Variants in GRIK2 observed in about 807,000 individuals in gnomAD.
GRIK2 encodes glutamate receptor ionotropic, kainate 2.
Under a neutral mutation model 100.3 loss-of-function variants are expected in GRIK2, and 32 were observed. The ratio of observed to expected loss-of-function variants is 0.32; its 90% CI spans 0.24 to 0.43. The LOEUF is 0.43. Among genes scored for constraint, GRIK2 ranks in the 20% least tolerant of loss-of-function variants. GRIK2 has a pLI of 1.00. For missense variants in GRIK2, 843 were observed against 1,114.9 expected (o/e 0.76, Z 3.47); for synonymous variants, 417 against 389.4 (o/e 1.07, Z -0.83).
At chr6:101,996,791 G>A (rs776387489) in intron 14 of GRIK2, among the ~76,000 whole-genome samples, 1 of 152,082 alleles carries the variant, frequency 6.6e-6, no homozygotes, top group Non-Finnish European at 1.5e-5. Context: ...AGGCTTGGCC[G>A]TGGGTTTGTT....
At chr6:101,718,900 A>G (rs1774254689) in intron 7 of GRIK2, among the ~76,000 whole-genome samples, 1 of 151,938 alleles carries the variant, frequency 6.6e-6, no homozygotes, top group Admixed American at 6.6e-5. Context: ...AATTTATCTA[A>G]TAACACAATT....
intron 7 of GRIK2, among the ~76,000 whole-genome samples, chr6:101,774,522 A>T (rs1015570228): frequency 2.0e-5 from 3 of 152,158 alleles, no homozygotes; most frequent in African/African-American, 4.8e-5. Flanking sequence ...CATCAATACA[A>T]TGTGGTTCAT....
chr6:101,399,598 G>A (rs1775166241), intron 2 of GRIK2, among the ~76,000 whole-genome samples: 1 of 152,100 alleles, frequency 6.6e-6, no homozygotes, highest in Non-Finnish European at 1.5e-5. Flanking sequence ...GGTGAAGGGA[G>A]GGCCAATGTG....
At chr6:101,977,450 G>A (rs552605114) in intron 14 of GRIK2, among the ~76,000 whole-genome samples, 1 of 151,632 alleles carries the variant, frequency 6.6e-6, no homozygotes, top group African/African-American at 2.4e-5. Flanking sequence ...AGGAAGGAAG[G>A]GATATTTGGT....
intron 2 of GRIK2, among the ~76,000 whole-genome samples, chr6:101,469,146 C>T (rs1771812643): frequency 6.6e-6 from 1 of 151,952 alleles, no homozygotes; most frequent in African/African-American, 2.4e-5. Context: ...GGTTACAAAC[C>T]CACAATAGAG....
At position 101,607,284 on chromosome 6, in the gene GRIK2, C is replaced by T. The variant is rs931836447; in HGVS notation, c.116-14665C>T. Among the ~76,000 whole-genome samples, 23 of 152,016 alleles carry T rather than the reference C, an allele frequency of 1.5e-4. No individual in the cohort carries two copies. The South Asian group carries it at 2.5e-3, about 16-fold the overall frequency. On this transcript the variant is annotated intron_variant, in intron 2 of 16. Transcript: ENST00000369134. ...ATGGGTTCATTTTGACAGGATTGGA[C>T]GAGGCACAATGTGTTAACCTCTTTT...
At chr6:101,956,461 G>A (rs1442482660) in intron 14 of GRIK2, among the ~76,000 whole-genome samples, 1 of 151,954 alleles carries the variant, frequency 6.6e-6, no homozygotes, top group Non-Finnish European at 1.5e-5. Context: ...GTGAAGTCTT[G>A]GTTTTAATGT....
intron 2 of GRIK2, among the ~76,000 whole-genome samples, chr6:101,522,775 G>T (rs1245695667): frequency 2.0e-5 from 3 of 151,902 alleles, no homozygotes; most frequent in East Asian, 3.9e-4. Flanking sequence ...ATAATGAATT[G>T]TTTGTCTAAC....
chr6:102,032,728 T>G (rs1172057238), intron 14 of GRIK2, among the ~76,000 whole-genome samples: 1 of 151,292 alleles, frequency 6.6e-6, no homozygotes, highest in Non-Finnish European at 1.5e-5. Context: ...AAAATATTTC[T>G]TACCACTTTG....
At chr6:101,436,368 A>ATT (rs34416859) in intron 2 of GRIK2, among the ~76,000 whole-genome samples, 19 of 150,376 alleles carry the variant, frequency 1.3e-4, no homozygotes, top group South Asian at 4.2e-4. Context: ...AAAGATAATG[A>ATT]TTTTTTTTTT....
At chr6:101,447,946 A>G (rs551186527) in intron 2 of GRIK2, among the ~76,000 whole-genome samples, 3 of 151,762 alleles carry the variant, frequency 2.0e-5, no homozygotes, top group East Asian at 3.9e-4. Context: ...TGTACTTCTT[A>G]GAAGTGAACT....
chr6:101,701,492 C>T (rs1161708750), intron 7 of GRIK2, among the ~76,000 whole-genome samples: 1 of 152,024 alleles, frequency 6.6e-6, no homozygotes, highest in African/African-American at 2.4e-5. Context: ...CATTCGCAGC[C>T]TTCAAATATT....
At chr6:101,904,208 TA>T (rs1319383447) in intron 12 of GRIK2, among the ~76,000 whole-genome samples, 1 of 151,492 alleles carries the variant, frequency 6.6e-6, no homozygotes, top group Admixed American at 6.6e-5. Flanking sequence ...CTAAATTGAT[TA>T]AATCACTTGT....
chr6:101,796,667 G>C (rs1409849110), intron 7 of GRIK2, among the ~76,000 whole-genome samples: 1 of 152,102 alleles, frequency 6.6e-6, no homozygotes, highest in Non-Finnish European at 1.5e-5. Context: ...TCCAGAAGTA[G>C]TTTGATCAGC....
chr6:101,531,195 C>T, intron 2 of GRIK2, among the ~76,000 whole-genome samples: 1 of 152,010 alleles, frequency 6.6e-6, no homozygotes, highest in East Asian at 1.9e-4. Context: ...TCTGTCAAGT[C>T]CCATCTTTTC....
intron 4 of GRIK2, among the ~76,000 whole-genome samples, chr6:101,672,271 T>A (rs1770498268): frequency 6.6e-6 from 1 of 152,154 alleles, no homozygotes; most frequent in Non-Finnish European, 1.5e-5. Flanking sequence ...CTGAGATTTG[T>A]TTGTTAGCAA....
intron 7 of GRIK2, among the ~76,000 whole-genome samples, chr6:101,764,458 A>T (rs1251522974): frequency 1.3e-5 from 2 of 152,130 alleles, no homozygotes; most frequent in Non-Finnish European, 2.9e-5. Flanking sequence ...TGTGAGAGAG[A>T]GAGAGATGAG....
chr6:101,823,422 GT>G (rs1441143739), intron 10 of GRIK2, among the ~76,000 whole-genome samples: 1 of 151,442 alleles, frequency 6.6e-6, no homozygotes, highest in Non-Finnish European at 1.5e-5. Flanking sequence ...TCAACTACAG[GT>G]CTATGCCTAA....
chr6:101,489,112 A>G (rs1772974490), intron 2 of GRIK2, among the ~76,000 whole-genome samples: 2 of 146,626 alleles, frequency 1.4e-5, no homozygotes, highest in South Asian at 4.3e-4. Context: ...TACTTCTAGA[A>G]TACCCCCCAT....
Sources: allele counts gnomAD v4.1 joint callset (sites outside exome capture counted in the v4.1 genomes callset), GRCh38; gene constraint gnomAD v4.1.1; transcripts MANE v1.5; gene names NCBI Gene and HGNC (gene_info 2026-07-23, HGNC 2026-07-21).